Variants in SUN3 observed in about 807,000 individuals in gnomAD.
SUN3 encodes SUN domain-containing protein 3.
In SUN3, 36 loss-of-function variants were observed where a neutral mutation model predicts 48.2. The ratio of observed to expected loss-of-function variants is 0.75; its 90% confidence interval spans 0.57 to 0.99. SUN3 has a LOEUF of 0.99. SUN3 is among the 50% of genes least tolerant of loss of function. The probability of loss-of-function intolerance (pLI) is 0.00; values close to 1 mark genes in which losing one functional copy is unlikely to be tolerated. For missense variants in SUN3, 419 were observed against 433.1 expected (o/e 0.97, Z 0.29); for synonymous variants, 148 against 147.9 (o/e 1.00, Z 0.00).
chr7:47,999,587 C>G (rs930145071), intron 6 of SUN3, among the ~76,000 whole-genome samples: 1 of 152,192 alleles, frequency 6.6e-6, no homozygotes, highest in Non-Finnish European at 1.5e-5. Flanking sequence ...GGCTGGAGTG[C>G]AATGACGCAA....
chr7:48,006,176 C>G, intron 5 of SUN3, 123 bp from the exon 6 acceptor site: 1 of 651,828 alleles, frequency 1.5e-6, no homozygotes, highest in Non-Finnish European at 2.7e-6. Flanking sequence ...CCCCTATCAG[C>G]TGCACTCTGA....
intron 6 of SUN3, among the ~76,000 whole-genome samples, chr7:47,997,820 C>G (rs1789254016): frequency 1.3e-5 from 2 of 152,166 alleles, no homozygotes; most frequent in South Asian, 2.1e-4. Flanking sequence ...TTTTGCTGCT[C>G]CCTTGTAGTC....
intron 3 of SUN3, among the ~76,000 whole-genome samples, chr7:48,015,785 A>T (rs866669037): frequency 6.6e-6 from 1 of 152,080 alleles, no homozygotes; most frequent in African/African-American, 2.4e-5. Context: ...GACCTATCCG[A>T]CTCCATCATG....
intron 7 of SUN3, 113 bp downstream of exon 7, chr7:47,995,918 T>C: frequency 3.5e-6 from 2 of 564,952 alleles, no homozygotes; most frequent in South Asian, 6.2e-5. Flanking sequence ...TCAGATTCTG[T>C]GACAAGTTCA....
At position 48,008,570 on chromosome 7, in the gene SUN3, T is replaced by C. The variant is rs1042689196; in HGVS notation, c.329+465A>G. Among the ~76,000 whole-genome samples, 9 of 152,352 alleles carry C rather than the reference T, an allele frequency of 5.9e-5. No homozygotes were observed. The East Asian group carries it at 1.7e-3, about 29-fold the overall frequency. The stretch of plus-strand genomic sequence containing the variant: ...ATGGAAAGCACACCTCAGTGTGTAT[T>C]TTGTCAAGGAATGCTCCATAGAAGT... On this transcript the variant is annotated intron_variant, in intron 4 of 9. Coordinates refer to ENST00000297325, the MANE Select transcript of SUN3 (RefSeq NM_001030019.2).
Position 48,025,345 on chromosome 7 carries a change from C to T in SUN3, c.184+532G>A, listed in dbSNP as rs1053775345. Among the ~76,000 whole-genome samples the T allele has an allele frequency of 9.2e-5, 14 of 152,192 alleles. No homozygotes were observed. The East Asian group carries it at 2.3e-3, about 25-fold the overall frequency. On this transcript the variant is annotated intron_variant, in intron 2 of 9. Transcript: ENST00000297325. ...TATATGATCTTTTTTGTAACAATAA[C>T]TGGGTTGAAACTTTTATTTTAATGG... is the stretch of plus-strand genomic sequence containing the variant.
chr7:47,990,975 G>A (rs1789042084), intron 8 of SUN3: 1 of 450,766 alleles, frequency 2.2e-6, no homozygotes, highest in South Asian at 1.6e-5. Flanking sequence ...GGAGGGAGAG[G>A]AGCAGAGAAA....
chr7:48,026,431 C>CAGT (rs1181388307), intron 1 of SUN3, among the ~76,000 whole-genome samples: 3 of 152,056 alleles, frequency 2.0e-5, no homozygotes, highest in Non-Finnish European at 4.4e-5. Context: ...TGTTGAAGTA[C>CAGT]AGTATGCTAT....
chr7:48,032,253 G>C (rs1458705924), upstream of SUN3, among the ~76,000 whole-genome samples: 1 of 152,194 alleles, frequency 6.6e-6, no homozygotes, highest in Non-Finnish European at 1.5e-5. Context: ...GGAGTAGATA[G>C]ATCTCAAGTG....
At chr7:48,001,078 T>C (rs1381601899) in intron 6 of SUN3, among the ~76,000 whole-genome samples, 1 of 152,216 alleles carries the variant, frequency 6.6e-6, no homozygotes, top group Admixed American at 6.5e-5. Context: ...ATCTTCAACT[T>C]CACTACTTCT....
intron 6 of SUN3, among the ~76,000 whole-genome samples, chr7:47,998,269 G>A (rs905086590): frequency 6.6e-6 from 1 of 152,082 alleles, no homozygotes. Flanking sequence ...CATTCTAATC[G>A]GTGTGTAATG....
the SUN3 span, among the ~76,000 whole-genome samples, chr7:48,034,345 G>A: frequency 6.6e-6 from 1 of 152,106 alleles, no homozygotes; most frequent in Non-Finnish European, 1.5e-5. Flanking sequence ...GATATTACCT[G>A]TCTCCTGCTA....
At chr7:48,009,917 G>A (rs965740343) in intron 3 of SUN3, among the ~76,000 whole-genome samples, 4 of 152,126 alleles carry the variant, frequency 2.6e-5, no homozygotes, top group African/African-American at 9.7e-5. Context: ...AAGAACTTGG[G>A]TCTGGGTGGC....
At chr7:47,999,904 C>A (rs771357169) in intron 6 of SUN3, among the ~76,000 whole-genome samples, 21 of 152,216 alleles carry the variant, frequency 1.4e-4, no homozygotes, top group Admixed American at 5.2e-4. Context: ...ATGATTACAA[C>A]GCACGTACCT....
At chr7:47,989,002 C>T in intron 8 of SUN3, 122 bp from the exon 9 acceptor site, 1 of 571,530 alleles carries the variant, frequency 1.7e-6, no homozygotes, top group Non-Finnish European at 3.1e-6. Context: ...TGTGATCATG[C>T]CAGTACTAAC....
At chr7:48,011,179 T>C (rs914030091) in intron 3 of SUN3, among the ~76,000 whole-genome samples, 1 of 152,212 alleles carries the variant, frequency 6.6e-6, no homozygotes, top group African/African-American at 2.4e-5. Flanking sequence ...GGTAGACATA[T>C]CTTTTTGGGA....
chr7:47,990,877 A>C (rs1789038772), intron 8 of SUN3: 1 of 368,232 alleles, frequency 2.7e-6, no homozygotes, highest in Admixed American at 3.7e-5. Context: ...CTATGTTCTC[A>C]CTTGTAAGTG....
rs1286421253 is a variant in SUN3, at chr7:48,001,522, G to GTTTTTTTTTTT, written c.577+4446_577+4447insAAAAAAAAAAA. Among the ~76,000 whole-genome samples the GTTTTTTTTTTT allele has an allele frequency of 7.9e-4, 96 of 121,906 alleles. 8 individuals are homozygous for GTTTTTTTTTTT. Among genetic ancestry groups the GTTTTTTTTTTT allele is most frequent in the Non-Finnish European group, 9.9e-4 (58 of 58,758 alleles). The allele number at this position is 121,906 out of a possible 152,430, so 80.0% of individuals were successfully genotyped here. A position where few individuals can be genotyped will look rare whatever the true frequency, so the allele number is the denominator to read the frequency against. ...TTTAGGTTGGTTCCATGTCTTTTCT[G>GTTTTTTTTTTT]TTTTTTTTGTTTTTTTTTTTTTTTT... On this transcript the variant is annotated intron_variant, in intron 6 of 9. Transcript: ENST00000297325.
At chr7:48,007,499 A>G (rs1289578804) in intron 4 of SUN3, among the ~76,000 whole-genome samples, 172 bp from the exon 5 acceptor site, 3 of 148,036 alleles carry the variant, frequency 2.0e-5, no homozygotes, top group African/African-American at 7.4e-5. Flanking sequence ...ACGCTTCACT[A>G]AAAAAAAAAC....
Sources: gnomAD v4.1 joint callset for allele counts (sites outside exome capture counted in the v4.1 genomes callset) on GRCh38, gnomAD v4.1.1 for gene constraint, MANE v1.5 for transcripts, NCBI Gene and HGNC (gene_info 2026-07-23, HGNC 2026-07-21) for gene names.